Variants in PCNX3 observed in about 807,000 individuals in gnomAD.
The protein encoded by PCNX3 is pecanex 3.
PCNX3 carries 58 observed loss-of-function variants against 207.2 expected under a neutral mutation model. The ratio of observed to expected loss-of-function variants is 0.28; its 90% confidence interval spans 0.23 to 0.35. The LOEUF (loss-of-function observed/expected upper bound fraction) is 0.35, where lower values mean the gene tolerates loss of function less well. PCNX3 is among the 10% of genes least tolerant of loss of function. The probability of loss-of-function intolerance (pLI) is 1.00; values close to 1 mark genes in which losing one functional copy is unlikely to be tolerated. For missense variants in PCNX3, 2,410 were observed against 2,774.4 expected, an observed-to-expected ratio of 0.87 and a Z score of 2.95; for synonymous variants, 1,337 against 1,183.5, an observed-to-expected ratio of 1.13 and a Z score of -2.66.
intron 12 of PCNX3, 137 bp downstream of exon 12, chr11:65,623,781 T>C: frequency 6.6e-7 from 1 of 1,517,340 alleles, no homozygotes; most frequent in Non-Finnish European, 9.0e-7. Flanking sequence ...CCAGCTCTTT[T>C]ACAAGCAAGA....
At chr11:65,621,691 A>G (rs1480930243) in intron 10 of PCNX3, among the ~76,000 whole-genome samples, 3 of 152,212 alleles carry the variant, frequency 2.0e-5, no homozygotes, top group Non-Finnish European at 4.4e-5. Context: ...CTTGGATCCC[A>G]GGGCAGGGCC....
At position 65,618,854 on chromosome 11, in the gene PCNX3, A is replaced by G; in HGVS notation, c.1492A>G (p.Lys498Glu). The G allele has an allele frequency of 6.2e-7, 1 of 1,611,172 alleles. No individual in the cohort carries two copies. Among genetic ancestry groups the G allele is most frequent in the Non-Finnish European group, 8.5e-7 (1 of 1,179,232 alleles). Reference protein sequence around the residue: ...TQRTPSTASAKTHARVLSMDG... With the variant: ...TQRTPSTASAETHARVLSMDG... ...GCGGACGCCTAGTACCGCCAGCGCT[A>G]AAACACATGCCCGTGTGCTGAGCAT... The change falls in exon 6 of 35, where the codon AAA (lysine) becomes GAA (glutamate). Residue 498 changes from lysine (K) to glutamate (E), a missense_variant. Coordinates refer to ENST00000355703, the MANE Select transcript of PCNX3 (RefSeq NM_032223.4).
Position 65,630,355 on chromosome 11 carries a change from T to C in PCNX3, c.4221T>C (p.Thr1407=). The C allele has an allele frequency of 1.2e-6, 2 of 1,613,054 alleles. No homozygotes were observed. Among genetic ancestry groups the C allele is most frequent in the Non-Finnish European group, 1.7e-6 (2 of 1,179,836 alleles). ...CTGCACACCCCTCCTCCACAGGCAC[T>C]TACTGCCAGCAGCGCGAGGTGGAGG... ...FQLRGLEFRG[T]YCQQREVEAI... is the part of the protein sequence containing the mutation. The change falls in exon 27 of 35, where the codon ACT becomes ACC. Residue 1407 remains threonine, a synonymous_variant. Transcript: ENST00000355703.
intron 5 of PCNX3, 50 bp from the exon 6 acceptor site, chr11:65,617,890 G>A: frequency 6.6e-7 from 1 of 1,511,428 alleles, no homozygotes; most frequent in Non-Finnish European, 8.9e-7. Context: ...CCACTAGTTT[G>A]TTTTGCAGAA....
chr11:65,625,291 T>C lies in PCNX3; in HGVS notation c.3029+11T>C. ...CCCCACCGTGCTCTGGTGGGTGTGCTCCGGGTCGTGTGTTTGTGTCTGCCC... is the reference window on the plus strand; with the variant it reads ...CCCCACCGTGCTCTGGTGGGTGTGCCCCGGGTCGTGTGTTTGTGTCTGCCC... On this transcript the variant is annotated intron_variant, in intron 17 of 34. Transcript: ENST00000355703. This position sits in a 1 kb window ranked among gnomAD's most constrained non-coding sequence, Gnocchi z 5.6. The C allele has an allele frequency of 1.2e-6, 2 of 1,602,834 alleles. No homozygotes were observed. Among genetic ancestry groups the C allele is most frequent in the Non-Finnish European group, 1.7e-6 (2 of 1,174,544 alleles).
chr11:65,637,059 G>A lies in PCNX3; in HGVS notation c.*81G>A. The A allele has an allele frequency of 1.4e-6, 2 of 1,446,586 alleles. No individual in the cohort carries two copies. Among genetic ancestry groups the A allele is most frequent in the South Asian group, 2.5e-5 (2 of 78,678 alleles). 89.6% of individuals were successfully genotyped at this position (1,446,586 alleles called of 1,614,324 possible). On this transcript the variant is annotated 3_prime_UTR_variant, in exon 35 of 35. Transcript: ENST00000355703. ...TGCCTCTCTGCTGGACCACAGAACT[G>A]AGTGGCTTTGGCCTACATGTCTGAA...
rs759538283 is a variant in PCNX3 at position 65,625,415 on chromosome 11, C to T, written c.3040C>T (p.Arg1014Trp). The change falls in exon 18 of 35, where the codon CGG becomes TGG. Residue 1014 changes from arginine to tryptophan, a missense_variant. This residue lies in a region of PCNX3 where 333 missense variants were observed against 386.8 expected (regional missense o/e 0.86). Transcript: ENST00000355703. The surrounding 1 kb of genome is among the most constrained non-coding windows in gnomAD (Gnocchi z 5.6). ...SDPTVLWSLI[R>W]SKLFPELEER... ...CTTCCTCACCCCCAGGTCTCTGATC[C>T]GGAGCAAGCTGTTCCCTGAGCTGGA... 7.5e-6 allele frequency: 12 copies of T among 1,604,212 alleles called. No individual in the cohort carries two copies. The highest frequency in any genetic ancestry group is 1.1e-5 in the South Asian group (1 of 91,006).
At chr11:65,634,459 G>C in intron 28 of PCNX3, 79 bp from the exon 29 acceptor site, 2 of 1,513,942 alleles carry the variant, frequency 1.3e-6, no homozygotes, top group Non-Finnish European at 1.8e-6. Context: ...GCCTCCCTTA[G>C]CCTGAGCCCC....
At chr11:65,631,055 G>T (rs189325164) in intron 27 of PCNX3, among the ~76,000 whole-genome samples, 2 of 152,248 alleles carry the variant, frequency 1.3e-5, no homozygotes, top group African/African-American at 2.4e-5. Flanking sequence ...TTTGAGAGGG[G>T]CCCTGCTATC....
chr11:65,617,743 G>C, intron 5 of PCNX3, 37 bp downstream of exon 5: 1 of 1,546,622 alleles, frequency 6.5e-7, no homozygotes, highest in South Asian at 1.2e-5. Flanking sequence ...TTGTGGGCTA[G>C]ACCAGCTGTT....
At chr11:65,621,982 G>A (rs1232576027) in intron 10 of PCNX3, among the ~76,000 whole-genome samples, 1 of 152,200 alleles carries the variant, frequency 6.6e-6, no homozygotes, top group East Asian at 1.9e-4. Flanking sequence ...AGGCGTGGGA[G>A]CGGGTGACTC....
intron 21 of PCNX3, 111 bp from the exon 22 acceptor site, chr11:65,627,294 C>A: frequency 8.0e-7 from 1 of 1,255,394 alleles, no homozygotes; most frequent in Non-Finnish European, 1.1e-6. Flanking sequence ...ACCAGCCCAG[C>A]AGAGCAGAGG....
At chr11:65,626,365 A>C (rs1855391482) in intron 20 of PCNX3, 1 of 565,138 alleles carries the variant, frequency 1.8e-6, no homozygotes, top group East Asian at 4.0e-5. Context: ...AGAATTAAAC[A>C]CTGATCACCA....
intron 32 of PCNX3, 132 bp from the exon 33 acceptor site, chr11:65,636,042 G>A: frequency 7.2e-7 from 1 of 1,388,006 alleles, no homozygotes; most frequent in South Asian, 1.3e-5. Flanking sequence ...GTAGGTGGCA[G>A]CTTCTTAGAG....
Position 65,619,868 on chromosome 11 carries a change from G to A in PCNX3, c.1944G>A (p.Val648=), listed in dbSNP as rs766378123. 6.2e-6 allele frequency: 10 copies of A among 1,611,220 alleles called. No individual in the cohort carries two copies. Among genetic ancestry groups the A allele is most frequent in the Non-Finnish European group, 8.5e-6 (10 of 1,179,656 alleles). ...TGCTCACCCGGGCCGGTGCCAATGT[G>A]CATGAGGCCTGCACCTTTGATGACA... ...SLLLTRAGAN[V]HEACTFDDTS... is the part of the protein sequence containing the mutation. Residue 648 remains valine (V), a synonymous_variant, in exon 8 of 35, where the codon GTG becomes GTA. Transcript: ENST00000355703.
chr11:65,619,718 T>C, intron 7 of PCNX3, 36 bp from the exon 8 acceptor site: 1 of 1,562,836 alleles, frequency 6.4e-7, no homozygotes, highest in Non-Finnish European at 8.6e-7. Flanking sequence ...GCCCGCAAGC[T>C]CTAGCTGGCG....
At chr11:65,616,787 C>T (rs765733759) in intron 1 of PCNX3, 37 bp from the exon 2 acceptor site, 2 of 1,592,142 alleles carry the variant, frequency 1.3e-6, no homozygotes, top group East Asian at 2.2e-5. Flanking sequence ...GGGGGCGAGG[C>T]TTTGTGAAAA....
At chr11:65,626,562 G>T (rs559492572) in intron 20 of PCNX3, 4 of 437,016 alleles carry the variant, frequency 9.2e-6, no homozygotes, top group South Asian at 8.6e-5. Flanking sequence ...AGCCTGAACC[G>T]AGGGGTCTGC....
Position 65,618,306 on chromosome 11 carries a change from G to A in PCNX3, c.944G>A (p.Ser315Asn), listed in dbSNP as rs1370821475. 6.2e-7 allele frequency: 1 copy of A among 1,610,310 alleles called. No homozygotes were observed. The highest frequency in any genetic ancestry group is 8.5e-7 in the Non-Finnish European group (1 of 1,178,104). ...AGGGAGACATTGAGCAGCTTCAAGA[G>A]TGAGAAGACCAACTCCACCCATCTG... ...TDRETLSSFK[S>N]EKTNSTHLDS... Residue 315 changes from serine (S) to asparagine (N), a missense_variant, in exon 6 of 35, where the codon AGT becomes AAT. By Grantham distance (46) the Ser-to-Asn change is conservative (BLOSUM62 1). Around this residue, in one of 8 missense-constraint regions of PCNX3, gnomAD observed 1,104 missense variants for 970.3 expected, o/e 1.14. Transcript: ENST00000355703.
Sources: gnomAD v4.1 joint callset for allele counts (sites outside exome capture counted in the v4.1 genomes callset) on GRCh38, gnomAD v4.1.1 for gene constraint, gnomAD v4.1.1 regional missense constraint, Gnocchi (gnomAD v3.1) non-coding constraint, MANE v1.5 for transcripts, NCBI Gene and HGNC (gene_info 2026-07-23, HGNC 2026-07-21) for gene names.